The following LARGE1 variants were observed in gnomAD, a reference collection of about 807,000 sequenced individuals.
The protein encoded by LARGE1 is LARGE xylosyl- and glucuronyltransferase 1.
LARGE1 carries 43 observed loss-of-function variants against 87.6 expected under a neutral mutation model. The ratio of observed to expected loss-of-function variants is 0.49; its 90% CI spans 0.38 to 0.63. The LOEUF (loss-of-function observed/expected upper bound fraction) is 0.63, where lower values mean the gene tolerates loss of function less well. Ranked by LOEUF, LARGE1 falls within the 30% of genes least tolerant of loss-of-function variation. The pLI is 0.00. For synonymous variants in LARGE1, 434 were observed against 394.6 expected (o/e 1.10, Z -1.18); for missense variants, 802 against 1,000.2 (o/e 0.80, Z 2.67).
intron 1 of LARGE1, among the ~76,000 whole-genome samples, chr22:33,828,756 G>A (rs1004665311): frequency 3.9e-5 from 6 of 152,246 alleles, no homozygotes; most frequent in Non-Finnish European, 7.3e-5. Flanking sequence ...ATGCATAAAC[G>A]GATGAATGAG....
the LARGE1 span, among the ~76,000 whole-genome samples, chr22:33,077,004 T>C: frequency 9.4e-3 from 1,431 of 152,292 alleles, 15 homozygotes; most frequent in South Asian, 0.026. Context: ...TGTGTGACCC[T>C]GAGCAAGTCA....
chr22:33,608,338 G>A (rs2079325706), intron 4 of LARGE1, among the ~76,000 whole-genome samples: 1 of 151,984 alleles, frequency 6.6e-6, no homozygotes, highest in South Asian at 2.1e-4. Context: ...CCTCTCCATG[G>A]AATGCCCTTC....
chr22:33,534,417 CA>C (rs200569382), intron 6 of LARGE1, among the ~76,000 whole-genome samples: 83 of 139,054 alleles, frequency 6.0e-4, no homozygotes, highest in Admixed American at 7.2e-4. Flanking sequence ...AACAAACAGA[CA>C]AAAAAAAAAA....
chr22:33,426,004 C>T (rs762263071), intron 7 of LARGE1, among the ~76,000 whole-genome samples: 23 of 152,150 alleles, frequency 1.5e-4, no homozygotes, highest in Non-Finnish European at 3.2e-4. Flanking sequence ...CTTCGGCCTC[C>T]TAAAGTGCTG....
chr22:33,759,467 C>G (rs1447549869), intron 2 of LARGE1, among the ~76,000 whole-genome samples: 1 of 152,168 alleles, frequency 6.6e-6, no homozygotes, highest in Non-Finnish European at 1.5e-5. Context: ...GCCTCATCCC[C>G]CCCATCTGTA....
intron 13 of LARGE1, among the ~76,000 whole-genome samples, chr22:33,280,082 T>G (rs1930134286): frequency 6.6e-6 from 1 of 152,122 alleles, no homozygotes; most frequent in Non-Finnish European, 1.5e-5. Context: ...CTAAGAGGAA[T>G]TCAATAAATG....
At chr22:33,519,848 G>A (rs973539361) in intron 6 of LARGE1, among the ~76,000 whole-genome samples, 6 of 152,144 alleles carry the variant, frequency 3.9e-5, no homozygotes, top group East Asian at 1.9e-4. Flanking sequence ...TTTCCAAGTC[G>A]TGTTCTTAAG....
chr22:33,207,465 CT>C (rs1602093208), intron 11 of LARGE1, among the ~76,000 whole-genome samples: 1 of 152,180 alleles, frequency 6.6e-6, no homozygotes, highest in East Asian at 1.9e-4. Context: ...TATTCCCCTT[CT>C]GCCCCCAGGT....
chr22:33,070,661 T>A, the LARGE1 span, among the ~76,000 whole-genome samples: 1 of 152,144 alleles, frequency 6.6e-6, no homozygotes, highest in Non-Finnish European at 1.5e-5. Context: ...GCACACTAAG[T>A]ACTGTGCAGG....
intron 12 of LARGE1, among the ~76,000 whole-genome samples, chr22:33,291,050 A>C (rs1932452593): frequency 6.6e-6 from 1 of 152,040 alleles, no homozygotes; most frequent in South Asian, 2.1e-4. Flanking sequence ...AAAAAAAAAA[A>C]AGAAGTTCCC....
chr22:33,457,293 CTTTTTTT>C (rs759460321), intron 6 of LARGE1, among the ~76,000 whole-genome samples: 11 of 74,924 alleles, frequency 1.5e-4, no homozygotes, highest in Non-Finnish European at 2.0e-4. Flanking sequence ...ACGCCTGGCT[CTTTTTTT>C]TTTTTTTTTT....
In LARGE1 at chr22:33,166,081, A is replaced by AAATGAATGT. The variant is rs544420470; in HGVS notation, c.*673_*681dup. On this transcript the variant is annotated 3_prime_UTR_variant, in exon 12 of 12. Coordinates refer to the LARGE1 transcript ENST00000608642. ...ATGCTTATGATGATTCTTGAAGGGT[A>AAATGAATGT]AATGAATGTTAGTAAGGAGGGTTAA... 66 of 152,356 alleles carry AAATGAATGT rather than the reference A, an allele frequency of 4.3e-4. 1 individual carries two copies. The highest frequency in any genetic ancestry group is 6.8e-3 in the Middle Eastern group (2 of 294). 9.4% of individuals were successfully genotyped at this position (152,356 alleles called of 1,614,324 possible). A position where few individuals can be genotyped will look rare whatever the true frequency, so the allele number is the denominator to read the frequency against.
intron 6 of LARGE1, among the ~76,000 whole-genome samples, chr22:33,536,762 T>C (rs1019148804): frequency 5.9e-5 from 9 of 152,238 alleles, no homozygotes; most frequent in African/African-American, 2.2e-4. Context: ...ATGAGGAAAC[T>C]GAGGCTTACA....
intron 6 of LARGE1, among the ~76,000 whole-genome samples, chr22:33,554,633 A>C (rs1037929783): frequency 8.5e-5 from 13 of 152,164 alleles, no homozygotes; most frequent in Non-Finnish European, 5.9e-5. Flanking sequence ...TCTTTTGCTG[A>C]GACTGAAGCC....
chr22:33,701,053 G>C (rs556126577), intron 2 of LARGE1, among the ~76,000 whole-genome samples: 2 of 152,256 alleles, frequency 1.3e-5, no homozygotes, highest in African/African-American at 4.8e-5. Context: ...TCATAATCTT[G>C]GGATGGGCCT....
chr22:33,785,313 A>T (rs75879228), intron 1 of LARGE1, among the ~76,000 whole-genome samples: 2 of 151,902 alleles, frequency 1.3e-5, no homozygotes, highest in Non-Finnish European at 2.9e-5. Context: ...ATACACACAC[A>T]CCCCACTTAA....
chr22:33,284,451 C>T (rs5998843), intron 12 of LARGE1, among the ~76,000 whole-genome samples: 4,824 of 152,278 alleles, frequency 0.032, 249 homozygotes, highest in African/African-American at 0.11. Flanking sequence ...TTCCACTCTG[C>T]TCCTCCGAGA....
intron 1 of LARGE1, among the ~76,000 whole-genome samples, chr22:33,828,476 C>T (rs1248751052): frequency 6.6e-6 from 1 of 152,234 alleles, no homozygotes; most frequent in Admixed American, 6.5e-5. Flanking sequence ...CAACAGCACA[C>T]AGCAGCAGCT....
chr22:33,816,727 G>T (rs942396938), intron 1 of LARGE1, among the ~76,000 whole-genome samples: 3 of 151,446 alleles, frequency 2.0e-5, no homozygotes, highest in African/African-American at 7.3e-5. Flanking sequence ...CAGACAGACA[G>T]ACAGACAGAT....
Sources: gnomAD v4.1 joint callset for allele counts (sites outside exome capture counted in the v4.1 genomes callset) on GRCh38, gnomAD v4.1.1 for gene constraint, MANE v1.5 for transcripts, NCBI Gene and HGNC (gene_info 2026-07-23, HGNC 2026-07-21) for gene names.